SHB: variants seen among roughly 807,000 people sequenced by gnomAD.
SHB encodes the protein SH2 domain-containing adapter protein B.
Under a neutral mutation model 52.3 loss-of-function variants are expected in SHB, and 20 were observed. The ratio of observed to expected loss-of-function variants is 0.38; its 90% CI spans 0.27 to 0.56. The LOEUF (loss-of-function observed/expected upper bound fraction) is 0.56, where lower values mean the gene tolerates loss of function less well. SHB is among the 20% of genes least tolerant of loss of function. The pLI, the probability that SHB is intolerant of heterozygous loss-of-function variation, is 0.71. For missense variants in SHB, 825 were observed against 723.3 expected, an observed-to-expected ratio of 1.14 and a Z score of -1.61; for synonymous variants, 397 against 316.5, an observed-to-expected ratio of 1.25 and a Z score of -2.70.
intron 1 of SHB, among the ~76,000 whole-genome samples, chr9:38,042,204 C>G (rs1262736904): frequency 6.6e-6 from 1 of 152,186 alleles, no homozygotes; most frequent in African/African-American, 2.4e-5. Context: ...AACGAAAATA[C>G]CTACCCACGA....
chr9:37,997,275 T>A (rs1820958008), intron 2 of SHB, among the ~76,000 whole-genome samples: 1 of 152,152 alleles, frequency 6.6e-6, no homozygotes, highest in Non-Finnish European at 1.5e-5. Flanking sequence ...CTGAGTTAAC[T>A]TCAGGACCCA....
In SHB at chr9:38,014,158, C is replaced by A. The variant is rs148799711; in HGVS notation, c.838+1853G>T. Among the ~76,000 whole-genome samples, 1,146 of 152,188 alleles carry A rather than the reference C, an allele frequency of 7.5e-3. 22 individuals are homozygous for A. Among genetic ancestry groups the A allele is most frequent in the African/African-American group, 0.025 (1,055 of 41,504 alleles). On this transcript the variant is annotated intron_variant, in intron 2 of 5. Coordinates refer to ENST00000377707, the MANE Select transcript of SHB (RefSeq NM_003028.3). ...TCCTCAAGCAAGTCTCTGTCCCCCC[C>A]GCCCCAACCTCAGTTTCCCAATCTG...
chr9:38,007,314 G>A (rs755563547), intron 2 of SHB, among the ~76,000 whole-genome samples: 6 of 152,136 alleles, frequency 3.9e-5, no homozygotes, highest in Non-Finnish European at 7.4e-5. Flanking sequence ...TCATGCAATC[G>A]GTGAATATTT....
At chr9:37,993,909 A>G (rs1374748126) in intron 2 of SHB, among the ~76,000 whole-genome samples, 1 of 152,184 alleles carries the variant, frequency 6.6e-6, no homozygotes, top group African/African-American at 2.4e-5. Flanking sequence ...CCTACAAAAA[A>G]CTTAGACTGT....
chr9:37,961,037 G>A (rs1379485356), intron 3 of SHB, among the ~76,000 whole-genome samples: 1 of 152,158 alleles, frequency 6.6e-6, no homozygotes, highest in African/African-American at 2.4e-5. Flanking sequence ...CCTACTTCTA[G>A]GCCTGGAATT....
chr9:38,069,110 G>C lies in SHB; in HGVS notation c.-465C>G, dbSNP rs1414628747. 1.3e-5 allele frequency: 2 copies of C among 151,850 alleles called. No homozygotes were observed. Among genetic ancestry groups the C allele is most frequent in the South Asian group, 4.1e-4 (2 of 4,828 alleles). The allele number at this position is 151,850 out of a possible 1,614,324, so 9.4% of individuals were successfully genotyped here. A position where few individuals can be genotyped will look rare whatever the true frequency, so the allele number is the denominator to read the frequency against. On this transcript the variant is annotated 5_prime_UTR_variant, in exon 1 of 6. Coordinates refer to ENST00000377707, the MANE Select transcript of SHB (RefSeq NM_003028.3). ...TTCCTGCGAGCGCTGGGGAGAGCTCGGCCCCGCAGCGGAGGAGAATGCGGC... is the reference window on the plus strand; with the variant it reads ...TTCCTGCGAGCGCTGGGGAGAGCTCCGCCCCGCAGCGGAGGAGAATGCGGC...
At chr9:38,049,635 C>CAA (rs147034881) in intron 1 of SHB, among the ~76,000 whole-genome samples, 107 of 68,478 alleles carry the variant, frequency 1.6e-3, no homozygotes, top group African/African-American at 4.7e-3. Flanking sequence ...AAAAACAAAG[C>CAA]AAAAAAAAAA....
At position 37,948,621 on chromosome 9, in the gene SHB, G is replaced by C. The variant is rs754133540; in HGVS notation, c.1346+14C>G. Reference sequence around the variant, plus strand: ...CTGCCGAGGAGGGCTGGGGGTGCTCGGGGCGGCACTCACCTCAGGGAGAGG... The same window carrying C: ...CTGCCGAGGAGGGCTGGGGGTGCTCCGGGCGGCACTCACCTCAGGGAGAGG... On this transcript the variant is annotated intron_variant, in intron 5 of 5. Coordinates refer to ENST00000377707, the MANE Select transcript of SHB (RefSeq NM_003028.3). The C allele has an allele frequency of 5.6e-6, 9 of 1,612,654 alleles. No homozygotes were observed. The highest frequency in any genetic ancestry group is 7.6e-6 in the Non-Finnish European group (9 of 1,179,840).
chr9:38,046,382 T>C (rs958533909), intron 1 of SHB, among the ~76,000 whole-genome samples: 1 of 152,192 alleles, frequency 6.6e-6, no homozygotes, highest in Non-Finnish European at 1.5e-5. Flanking sequence ...CAGAAAAAGT[T>C]TGTGACCTCT....
intron 2 of SHB, among the ~76,000 whole-genome samples, chr9:38,004,984 G>A (rs1821061525): frequency 6.6e-6 from 1 of 152,206 alleles, no homozygotes; most frequent in Non-Finnish European, 1.5e-5. Context: ...AGCAAGTTCT[G>A]GATGAGGGGA....
chr9:38,064,306 A>T (rs973687124), intron 1 of SHB, among the ~76,000 whole-genome samples: 1 of 152,158 alleles, frequency 6.6e-6, no homozygotes, highest in African/African-American at 2.4e-5. Flanking sequence ...TCCCTGGCTC[A>T]ACAACCTTCA....
At chr9:37,987,714 T>C (rs987746087) in intron 2 of SHB, among the ~76,000 whole-genome samples, 3 of 152,120 alleles carry the variant, frequency 2.0e-5, no homozygotes, top group African/African-American at 4.8e-5. Flanking sequence ...TTCATCATGG[T>C]TGGGGGGCCT....
chr9:38,049,015 C>T (rs1402362926), intron 1 of SHB, among the ~76,000 whole-genome samples: 1 of 152,092 alleles, frequency 6.6e-6, no homozygotes, highest in Non-Finnish European at 1.5e-5. Flanking sequence ...AAGACAGAAA[C>T]GAACATCCTT....
At chr9:37,941,128 G>A (rs1438543031) in intron 5 of SHB, among the ~76,000 whole-genome samples, 1 of 152,186 alleles carries the variant, frequency 6.6e-6, no homozygotes, top group Non-Finnish European at 1.5e-5. Context: ...ATAAAATCTA[G>A]AACCCATCAT....
At chr9:37,983,432 C>G (rs1820763409) in intron 2 of SHB, among the ~76,000 whole-genome samples, 1 of 152,200 alleles carries the variant, frequency 6.6e-6, no homozygotes, top group African/African-American at 2.4e-5. Context: ...CTTAAAAGTA[C>G]TGCATGGCAG....
At chr9:37,997,871 A>C (rs1820968995) in intron 2 of SHB, among the ~76,000 whole-genome samples, 1 of 152,208 alleles carries the variant, frequency 6.6e-6, no homozygotes, top group Non-Finnish European at 1.5e-5. Flanking sequence ...AAGTGGCAGA[A>C]AGGACAACAA....
intron 5 of SHB, among the ~76,000 whole-genome samples, chr9:37,931,902 G>A (rs559282118): frequency 1.5e-4 from 23 of 152,228 alleles, no homozygotes; most frequent in African/African-American, 5.5e-4. Context: ...ATACTATTCC[G>A]CCCTAAAAAA....
chr9:37,942,441 C>A (rs907730354), intron 5 of SHB, among the ~76,000 whole-genome samples: 16 of 152,190 alleles, frequency 1.1e-4, no homozygotes, highest in Admixed American at 5.9e-4. Context: ...TTTATCGATG[C>A]AAGTGGAGAA....
At chr9:37,980,247 T>C (rs1047584087) in intron 2 of SHB, among the ~76,000 whole-genome samples, 1 of 152,262 alleles carries the variant, frequency 6.6e-6, no homozygotes, top group Non-Finnish European at 1.5e-5. Flanking sequence ...TTGGAGTCAA[T>C]CTTTTCAAAC....
Sources: gnomAD v4.1 joint callset for allele counts (sites outside exome capture counted in the v4.1 genomes callset) on GRCh38, gnomAD v4.1.1 for gene constraint, MANE v1.5 for transcripts, NCBI Gene and HGNC (gene_info 2026-07-23, HGNC 2026-07-21) for gene names.